The following TRIO variants were observed in gnomAD, a reference collection of about 807,000 sequenced individuals.
TRIO encodes trio Rho guanine nucleotide exchange factor.
Under a neutral mutation model 351.9 loss-of-function variants are expected in TRIO, and 58 were observed. The ratio of observed to expected loss-of-function variants is 0.16; its 90% CI spans 0.13 to 0.21. TRIO has a LOEUF of 0.21. Among genes scored for constraint, TRIO ranks in the 10% least tolerant of loss-of-function variants. The pLI, the probability that TRIO is intolerant of heterozygous loss-of-function variation, is 1.00. For synonymous variants in TRIO, 1,758 were observed against 1,595.7 expected (o/e 1.10, Z -2.42); for missense variants, 3,201 against 4,027.8 (o/e 0.79, Z 5.56).
intron 1 of TRIO, among the ~76,000 whole-genome samples, chr5:14,258,628 A>G (rs1795162408): frequency 6.6e-6 from 1 of 152,060 alleles, no homozygotes; most frequent in African/African-American, 2.4e-5. Context: ...GCAGGTGTCT[A>G]AAGATATGAA....
In TRIO at chr5:14,395,798, C is replaced by T. The variant is rs141691076; in HGVS notation, c.4312-1245C>T. On this transcript the variant is annotated intron_variant, in intron 28 of 56. Transcript: ENST00000344204. ...GAAAGTATCTTGGCTGTAATCCCAG[C>T]ACTTTGGGAGGCCGAGGCAGGCGGA... Among the ~76,000 whole-genome samples the T allele has an allele frequency of 5.7e-3, 875 of 152,278 alleles. 12 individuals carry two copies. The highest frequency in any genetic ancestry group is 0.02 in the African/African-American group (822 of 41,546).
chr5:14,503,028 G>T (rs187111955), intron 54 of TRIO, among the ~76,000 whole-genome samples: 1 of 152,360 alleles, frequency 6.6e-6, no homozygotes, highest in African/African-American at 2.4e-5. Context: ...TGTGCATGGA[G>T]ACTTCAAGGA....
At chr5:14,419,529 A>G (rs565658825) in intron 33 of TRIO, among the ~76,000 whole-genome samples, 1 of 152,336 alleles carries the variant, frequency 6.6e-6, no homozygotes, top group Non-Finnish European at 1.5e-5. Flanking sequence ...GCTGTAAGTT[A>G]AAAAATGAGT....
intron 10 of TRIO, among the ~76,000 whole-genome samples, chr5:14,334,027 T>G (rs1470829948): frequency 6.6e-6 from 1 of 152,228 alleles, no homozygotes; most frequent in Non-Finnish European, 1.5e-5. Flanking sequence ...TGTGAGGAAC[T>G]GTGGCTTAGG....
At chr5:14,428,478 G>C (rs1294501610) in intron 34 of TRIO, among the ~76,000 whole-genome samples, 3 of 152,086 alleles carry the variant, frequency 2.0e-5, no homozygotes, top group Non-Finnish European at 4.4e-5. Context: ...AAAGAACATG[G>C]AGTTACACCA....
intron 1 of TRIO, among the ~76,000 whole-genome samples, chr5:14,238,654 CT>C (rs1793934662): frequency 6.6e-6 from 1 of 152,184 alleles, no homozygotes; most frequent in East Asian, 1.9e-4. Flanking sequence ...CATATTTCAT[CT>C]TTTTTTCTTT....
chr5:14,321,057 C>T (rs1200092721), intron 9 of TRIO, among the ~76,000 whole-genome samples: 4 of 152,174 alleles, frequency 2.6e-5, no homozygotes, highest in African/African-American at 9.7e-5. Flanking sequence ...GAATTCTTCT[C>T]AAACGTCAAG....
rs1757926693 is a variant in TRIO, at chr5:14,509,207, A to G, written c.*785A>G. 6.0e-6 allele frequency: 2 copies of G among 335,576 alleles called. No homozygotes were observed. The highest frequency in any genetic ancestry group is 9.1e-5 in the Admixed American group (2 of 21,992). The allele number at this position is 335,576 out of a possible 1,614,324, so 20.8% of individuals were successfully genotyped here. A position where few individuals can be genotyped will look rare whatever the true frequency, so the allele number is the denominator to read the frequency against. Reference sequence around the variant, plus strand: ...TCAATCAGATTGTGGAGCAGTACACAGTCAGATGAAAATACTGTAAATGCA... The same window carrying G: ...TCAATCAGATTGTGGAGCAGTACACGGTCAGATGAAAATACTGTAAATGCA... On this transcript the variant is annotated 3_prime_UTR_variant, in exon 57 of 57. Coordinates refer to ENST00000344204, the MANE Select transcript of TRIO (RefSeq NM_007118.4).
rs779173803 is a variant in TRIO, at chr5:14,488,049, C to G, written c.7421C>G (p.Pro2474Arg). 4.0e-5 allele frequency: 64 copies of G among 1,608,830 alleles called. No homozygotes were observed. Among genetic ancestry groups the G allele is most frequent in the Admixed American group, 1.5e-4 (9 of 59,804 alleles). ...AVPSLGKEPFPPSSPLQKGGS... is the reference protein window; with the variant it reads ...AVPSLGKEPFRPSSPLQKGGS... ...CCTTCTCTCGGCAAGGAGCCCTTCC[C>G]CCCCAGCAGCCCCCTGCAGAAGGGG... is the stretch of plus-strand genomic sequence containing the variant. Residue 2474 changes from proline to arginine, a missense_variant, in exon 48 of 57, where the codon CCC becomes CGC. Physicochemically the swap from Pro to Arg is moderately radical, Grantham distance 103. Around this residue, in one of 19 missense-constraint regions of TRIO, gnomAD observed 1,089 missense variants for 954.9 expected, o/e 1.14. Coordinates refer to ENST00000344204, the MANE Select transcript of TRIO (RefSeq NM_007118.4).
rs561077034 is a variant in TRIO, at chr5:14,452,066, A to G, written c.5204-8953A>G. The stretch of plus-strand genomic sequence containing the variant: ...CTCATCGGAAACGCCCTGGCTGTCA[A>G]TCGGCAGCAGACCCACATGTGTGCA... On this transcript the variant is annotated intron_variant, in intron 34 of 56. Transcript: ENST00000344204. 1.7e-4 allele frequency among the ~76,000 whole-genome samples: 26 copies of G among 152,356 alleles called. 2 individuals carry two copies. The highest frequency in any genetic ancestry group is 5.9e-4 in the Admixed American group (9 of 15,312).
At chr5:14,217,708 G>A (rs1792310218) in intron 1 of TRIO, among the ~76,000 whole-genome samples, 1 of 152,196 alleles carries the variant, frequency 6.6e-6, no homozygotes, top group Non-Finnish European at 1.5e-5. Flanking sequence ...CTAGAAGTGT[G>A]TGTGGCACTT....
At chr5:14,465,221 G>A (rs2126520819) in intron 36 of TRIO, among the ~76,000 whole-genome samples, 1 of 152,186 alleles carries the variant, frequency 6.6e-6, no homozygotes, top group Admixed American at 6.5e-5. Context: ...AGCCTTGCCA[G>A]CACTTGCGAA....
intron 53 of TRIO, among the ~76,000 whole-genome samples, chr5:14,502,128 G>A (rs2126698764): frequency 6.6e-6 from 1 of 152,282 alleles, no homozygotes; most frequent in Non-Finnish European, 1.5e-5. Context: ...GGCTGTGAAA[G>A]GAGGCGTGGG....
chr5:14,431,328 T>C lies in TRIO; in HGVS notation c.5203+11307T>C, dbSNP rs377631349. ...ATTGGTCATTCCACATCACAGACTA[T>C]TCAGGGGGCATCATCTTCCCGAAAC... is the stretch of plus-strand genomic sequence containing the variant. On this transcript the variant is annotated intron_variant, in intron 34 of 56. Coordinates refer to ENST00000344204, the MANE Select transcript of TRIO (RefSeq NM_007118.4). Among the ~76,000 whole-genome samples, 129 of 152,312 alleles carry C rather than the reference T, an allele frequency of 8.5e-4. 1 individual carries two copies. Among genetic ancestry groups the C allele is most frequent in the African/African-American group, 2.9e-3 (122 of 41,552 alleles).
intron 53 of TRIO, 60 bp from the exon 54 acceptor site, chr5:14,502,519 C>G (rs906877504): frequency 9.5e-6 from 15 of 1,572,646 alleles, no homozygotes; most frequent in Non-Finnish European, 1.0e-5. Flanking sequence ...GTGGCGATAG[C>G]CTTCTTACCC....
chr5:14,259,234 A>C (rs1795205228), intron 1 of TRIO, among the ~76,000 whole-genome samples: 1 of 152,216 alleles, frequency 6.6e-6, no homozygotes, highest in Non-Finnish European at 1.5e-5. Flanking sequence ...CCATCACAGC[A>C]AATCTGTTTC....
At chr5:14,278,678 T>G (rs1018208228) in intron 2 of TRIO, among the ~76,000 whole-genome samples, 1 of 152,244 alleles carries the variant, frequency 6.6e-6, no homozygotes, top group Non-Finnish European at 1.5e-5. Flanking sequence ...ATCTGTCTTA[T>G]CTTGGGGATG....
intron 37 of TRIO, among the ~76,000 whole-genome samples, chr5:14,466,786 A>T (rs537845684): frequency 1.2e-4 from 18 of 152,278 alleles, no homozygotes; most frequent in Admixed American, 1.0e-3. Context: ...TTCCAAATGG[A>T]TTCATTCAAT....
intron 1 of TRIO, among the ~76,000 whole-genome samples, chr5:14,158,928 T>C (rs1193223910): frequency 6.6e-6 from 1 of 152,262 alleles, no homozygotes; most frequent in African/African-American, 2.4e-5. Context: ...GAGTGTTTAC[T>C]ATGTATAAGC....
Sources: allele counts gnomAD v4.1 joint callset (sites outside exome capture counted in the v4.1 genomes callset), GRCh38; gene constraint gnomAD v4.1.1; regional missense constraint gnomAD v4.1.1; transcripts MANE v1.5; gene names NCBI Gene and HGNC (gene_info 2026-07-23, HGNC 2026-07-21).